Variants in WSCD2 observed in about 807,000 individuals in gnomAD.
The protein encoded by WSCD2 is sialate:O-sulfotransferase 2.
WSCD2 carries 28 observed loss-of-function variants against 55.7 expected under a neutral mutation model. The ratio of observed to expected loss-of-function variants is 0.50; its 90% confidence interval spans 0.37 to 0.69. The LOEUF is 0.69. WSCD2 is among the 30% of genes least tolerant of loss of function. The probability of loss-of-function intolerance (pLI) is 0.00; values close to 1 mark genes in which losing one functional copy is unlikely to be tolerated. For synonymous variants in WSCD2, 301 were observed against 301.9 expected (o/e 1.00, Z 0.03); for missense variants, 616 against 762.1 (o/e 0.81, Z 2.26).
chr12:108,148,396 G>A (rs1487100061), intron 1 of WSCD2, among the ~76,000 whole-genome samples: 2 of 152,198 alleles, frequency 1.3e-5, no homozygotes, highest in Non-Finnish European at 2.9e-5. Context: ...TGCTCACTAC[G>A]TGTTTGTTGA....
chr12:108,137,569 C>A lies in WSCD2; in HGVS notation c.-552+7643C>A, dbSNP rs1304930829. On this transcript the variant is annotated intron_variant, in intron 1 of 8. Transcript: ENST00000547525. ...ATGAAGAGATTACAAAACTACGAAG[C>A]ATGGAAATAAAAGAATGACAGCTTG... 2.0e-5 allele frequency among the ~76,000 whole-genome samples: 3 copies of A among 152,188 alleles called. No individual in the cohort carries two copies. In the East Asian group the frequency reaches 5.8e-4, roughly 29 times the overall value.
At chr12:108,178,703 T>C (rs1208744251) in intron 1 of WSCD2, among the ~76,000 whole-genome samples, 2 of 152,200 alleles carry the variant, frequency 1.3e-5, no homozygotes, top group East Asian at 1.9e-4. Flanking sequence ...ACAATACTCA[T>C]AGGCTACCTG....
intron 7 of WSCD2, 80 bp downstream of exon 7, chr12:108,232,975 C>G: frequency 6.5e-7 from 1 of 1,544,140 alleles, no homozygotes; most frequent in Non-Finnish European, 8.8e-7. Context: ...TGGGAATACT[C>G]CTCCTTGAGT....
intron 1 of WSCD2, among the ~76,000 whole-genome samples, chr12:108,172,805 C>T (rs1041714776): frequency 2.6e-5 from 4 of 152,134 alleles, no homozygotes; most frequent in Non-Finnish European, 2.9e-5. Context: ...TTTTAAGCCA[C>T]CCAGTTTGCA....
At chr12:108,152,941 A>G (rs1389315997) in intron 1 of WSCD2, among the ~76,000 whole-genome samples, 1 of 151,996 alleles carries the variant, frequency 6.6e-6, no homozygotes, top group Non-Finnish European at 1.5e-5. Flanking sequence ...TGTCTCTACT[A>G]AAAAATACAA....
chr12:108,130,197 C>T (rs1875339084), intron 1 of WSCD2, among the ~76,000 whole-genome samples: 1 of 152,178 alleles, frequency 6.6e-6, no homozygotes, highest in Non-Finnish European at 1.5e-5. Flanking sequence ...TCCTGTGCCC[C>T]CTACAGGCAT....
chr12:108,223,070 C>G (rs879836230), intron 4 of WSCD2, among the ~76,000 whole-genome samples: 5 of 152,222 alleles, frequency 3.3e-5, no homozygotes, highest in Admixed American at 1.3e-4. Flanking sequence ...CTCCAGGAAG[C>G]CTTAGGTTTG....
rs1370362163 is a variant in WSCD2, at chr12:108,235,561, G to A, written c.1144+2666G>A. 3.3e-5 allele frequency among the ~76,000 whole-genome samples: 5 copies of A among 152,130 alleles called. No homozygotes were observed. The East Asian group carries it at 7.7e-4, about 23-fold the overall frequency. ...CATTCCAAAAATTCATTTTTTTCCT[G>A]TGTTTGTTAATACTCTAGTGTGGGC... On this transcript the variant is annotated intron_variant, in intron 7 of 8. Coordinates refer to ENST00000547525, the MANE Select transcript of WSCD2 (RefSeq NM_014653.4).
intron 7 of WSCD2, among the ~76,000 whole-genome samples, chr12:108,238,022 T>C (rs1446560563): frequency 6.6e-6 from 1 of 152,238 alleles, no homozygotes; most frequent in African/African-American, 2.4e-5. Flanking sequence ...GTGAAATAGA[T>C]TTTGGTAAAG....
intron 4 of WSCD2, 94 bp from the exon 5 acceptor site, chr12:108,224,645 C>G: frequency 6.6e-7 from 1 of 1,512,252 alleles, no homozygotes; most frequent in Non-Finnish European, 8.8e-7. Context: ...GGGCAAGACT[C>G]TTGCCTTCTC....
chr12:108,152,493 T>G (rs1327121191), intron 1 of WSCD2, among the ~76,000 whole-genome samples: 1 of 152,088 alleles, frequency 6.6e-6, no homozygotes, highest in African/African-American at 2.4e-5. Flanking sequence ...GCTGATGCTG[T>G]GTAATTCAGC....
At chr12:108,193,427 A>G (rs1883445253) in intron 1 of WSCD2, among the ~76,000 whole-genome samples, 1 of 152,264 alleles carries the variant, frequency 6.6e-6, no homozygotes, top group African/African-American at 2.4e-5. Context: ...TAAATGGAAG[A>G]ATGAGTGGAT....
chr12:108,230,952 G>C (rs573364853), intron 6 of WSCD2, among the ~76,000 whole-genome samples: 312 of 152,300 alleles, frequency 2.0e-3, no homozygotes, highest in African/African-American at 6.7e-3. Flanking sequence ...ATGGGGTGAA[G>C]GGGAGCTGGT....
At chr12:108,235,470 C>T (rs966280955) in intron 7 of WSCD2, among the ~76,000 whole-genome samples, 3 of 152,070 alleles carry the variant, frequency 2.0e-5, no homozygotes, top group Admixed American at 1.3e-4. Context: ...GATTCCAATG[C>T]AAAACCAGAG....
At chr12:108,149,674 C>T (rs1877764838) in intron 1 of WSCD2, among the ~76,000 whole-genome samples, 1 of 152,194 alleles carries the variant, frequency 6.6e-6, no homozygotes, top group Non-Finnish European at 1.5e-5. Flanking sequence ...GTCCCCCACC[C>T]CGCCACACAC....
chr12:108,237,036 C>T (rs1428359828), intron 7 of WSCD2, among the ~76,000 whole-genome samples: 1 of 152,350 alleles, frequency 6.6e-6, no homozygotes, highest in Admixed American at 6.5e-5. Flanking sequence ...CTCAGCCCAG[C>T]TGATGCAGGA....
At chr12:108,160,166 T>G (rs1317695248) in intron 1 of WSCD2, among the ~76,000 whole-genome samples, 1 of 152,160 alleles carries the variant, frequency 6.6e-6, no homozygotes, top group African/African-American at 2.4e-5. Flanking sequence ...AATGAACTGT[T>G]GCTGTGAGTT....
chr12:108,182,663 C>T (rs1881941935), intron 1 of WSCD2, among the ~76,000 whole-genome samples: 8 of 152,146 alleles, frequency 5.3e-5, no homozygotes, highest in South Asian at 4.1e-4. Flanking sequence ...TAGTCAATTA[C>T]GTTATTTGTT....
At chr12:108,211,665 A>ATATATATATATATATT (rs1565970125) in intron 4 of WSCD2, among the ~76,000 whole-genome samples, 2 of 147,714 alleles carry the variant, frequency 1.4e-5, no homozygotes, top group Admixed American at 6.8e-5. Flanking sequence ...ATATATATAT[A>ATATATATATATATATT]TTTTTTGAGA....
Sources: allele counts gnomAD v4.1 joint callset (sites outside exome capture counted in the v4.1 genomes callset), GRCh38; gene constraint gnomAD v4.1.1; transcripts MANE v1.5; gene names NCBI Gene and HGNC (gene_info 2026-07-23, HGNC 2026-07-21).